THSD7A: variants seen among roughly 807,000 people sequenced by gnomAD.
The protein encoded by THSD7A is thrombospondin type-1 domain-containing protein 7A.
THSD7A carries 96 observed loss-of-function variants against 231.3 expected under a neutral mutation model. The ratio of observed to expected loss-of-function variants is 0.41; its 90% CI spans 0.35 to 0.49. The LOEUF (loss-of-function observed/expected upper bound fraction) is 0.49. THSD7A is among the 20% of genes least tolerant of loss of function. The pLI, the probability that THSD7A is intolerant of heterozygous loss-of-function variation, is 0.05. For missense variants in THSD7A, 2,290 were observed against 2,070.2 expected (o/e 1.11, Z -2.06); for synonymous variants, 940 against 743.3 (o/e 1.26, Z -4.30).
intron 1 of THSD7A, among the ~76,000 whole-genome samples, chr7:11,662,060 A>T (rs1702969611): frequency 6.6e-6 from 1 of 151,290 alleles, no homozygotes; most frequent in African/African-American, 2.4e-5. Flanking sequence ...AGAGAAAAAG[A>T]TACATAGAAG....
chr7:11,611,397 C>T (rs1780915837), intron 2 of THSD7A, among the ~76,000 whole-genome samples: 1 of 151,364 alleles, frequency 6.6e-6, no homozygotes, highest in African/African-American at 2.4e-5. Flanking sequence ...CTTAATAAGG[C>T]TATTCTTCAG....
intron 2 of THSD7A, among the ~76,000 whole-genome samples, chr7:11,617,618 T>C (rs1781151933): frequency 6.6e-6 from 1 of 152,224 alleles, no homozygotes. Context: ...ACTCTAGCAT[T>C]CTACTTACAC....
chr7:11,784,042 TAG>T (rs1274600519), intron 1 of THSD7A, among the ~76,000 whole-genome samples: 2 of 152,118 alleles, frequency 1.3e-5, no homozygotes, highest in East Asian at 3.9e-4. Flanking sequence ...ACTATAATAT[TAG>T]AGTTAGCAAG....
At chr7:11,741,533 T>G (rs967948916) in intron 1 of THSD7A, among the ~76,000 whole-genome samples, 4 of 151,954 alleles carry the variant, frequency 2.6e-5, no homozygotes, top group Non-Finnish European at 5.9e-5. Flanking sequence ...AGTCAAATTC[T>G]CTAATGTTGC....
At chr7:11,409,027 G>A (rs1340813389) in intron 19 of THSD7A, among the ~76,000 whole-genome samples, 4 of 152,106 alleles carry the variant, frequency 2.6e-5, no homozygotes, top group Admixed American at 6.6e-5. Context: ...ACACATTTTA[G>A]TCCTGTACTA....
chr7:11,531,891 T>G (rs1477895942), intron 6 of THSD7A, among the ~76,000 whole-genome samples: 2 of 152,108 alleles, frequency 1.3e-5, no homozygotes, highest in African/African-American at 4.8e-5. Context: ...GGAAGTAGCA[T>G]GTGCCAGATT....
intron 14 of THSD7A, among the ~76,000 whole-genome samples, chr7:11,428,657 T>G (rs1784392395): frequency 1.3e-5 from 2 of 152,188 alleles, no homozygotes; most frequent in Non-Finnish European, 2.9e-5. Flanking sequence ...AGATACAATC[T>G]TATGACAGAT....
chr7:11,659,945 C>T (rs993812880), intron 1 of THSD7A, among the ~76,000 whole-genome samples: 1 of 151,486 alleles, frequency 6.6e-6, no homozygotes. Context: ...TGCAGAATCT[C>T]AGGCCTGACC....
rs753350017 is a variant in THSD7A at position 11,636,519 on chromosome 7, G to T, written c.633C>A (p.Gly211=). ...GACGCGTCCGGTGCTGGAGCCCGCTGCCGCAGGTCTTGGAGCATTCGGACC... is the reference window on the plus strand; with the variant it reads ...GACGCGTCCGGTGCTGGAGCCCGCTTCCGCAGGTCTTGGAGCATTCGGACC... The part of the protein sequence containing the change: ...SAWSECSKTC[G]SGLQHRTRHV... Residue 211 remains glycine, a synonymous_variant, in exon 2 of 28, where the codon GGC becomes GGA. Transcript: ENST00000423059. The surrounding 1 kb of genome is among the most constrained non-coding windows in gnomAD (Gnocchi z 10.0). 17 of 1,613,814 alleles carry T rather than the reference G, an allele frequency of 1.1e-5. No homozygotes were observed. Among genetic ancestry groups the T allele is most frequent in the Non-Finnish European group, 8.5e-7 (1 of 1,179,894 alleles).
intron 24 of THSD7A, among the ~76,000 whole-genome samples, chr7:11,380,720 T>C (rs1240173295): frequency 6.6e-6 from 1 of 152,182 alleles, no homozygotes. Flanking sequence ...GGTAATATAC[T>C]TTACATGCTT....
intron 19 of THSD7A, among the ~76,000 whole-genome samples, chr7:11,409,699 G>T (rs1214781651): frequency 6.6e-6 from 1 of 152,034 alleles, no homozygotes; most frequent in Non-Finnish European, 1.5e-5. Context: ...GTAGATCACA[G>T]CAAGCTCTCC....
intron 22 of THSD7A, among the ~76,000 whole-genome samples, chr7:11,404,419 T>C (rs187642613): frequency 6.6e-6 from 1 of 152,282 alleles, no homozygotes; most frequent in East Asian, 1.9e-4. Context: ...ACAATCCTAT[T>C]ACTGGTGCTG....
chr7:11,669,970 C>CGTGT (rs1341005209), intron 1 of THSD7A, among the ~76,000 whole-genome samples: 1 of 98,222 alleles, frequency 1.0e-5, no homozygotes, highest in African/African-American at 4.2e-5. Context: ...CTGTTGCATT[C>CGTGT]ATGTGTGTGT....
chr7:11,525,277 A>C (rs1370865856), intron 6 of THSD7A, among the ~76,000 whole-genome samples: 1 of 152,190 alleles, frequency 6.6e-6, no homozygotes, highest in Non-Finnish European at 1.5e-5. Context: ...ATTTAAATTC[A>C]CCCTGCCAAG....
At chr7:11,440,537 C>A (rs967837275) in intron 13 of THSD7A, among the ~76,000 whole-genome samples, 25 of 152,050 alleles carry the variant, frequency 1.6e-4, no homozygotes, top group African/African-American at 5.8e-4. Flanking sequence ...GGAAGGAGGT[C>A]ATAATATCTA....
chr7:11,472,700 G>A (rs1198020469), intron 8 of THSD7A, among the ~76,000 whole-genome samples: 7 of 152,106 alleles, frequency 4.6e-5, no homozygotes, highest in African/African-American at 1.4e-4. Context: ...TTCACATATA[G>A]GCGTGTACAT....
chr7:11,391,441 C>T (rs1358955945), intron 23 of THSD7A, among the ~76,000 whole-genome samples: 2 of 151,650 alleles, frequency 1.3e-5, no homozygotes, highest in Admixed American at 6.6e-5. Context: ...TGGCAGACGC[C>T]CCTCCCCAGC....
At chr7:11,555,033 T>A (rs1464053315) in intron 4 of THSD7A, among the ~76,000 whole-genome samples, 3 of 151,936 alleles carry the variant, frequency 2.0e-5, no homozygotes, top group Non-Finnish European at 4.4e-5. Context: ...AATGATCTAT[T>A]GAATGAACCA....
At chr7:11,804,251 G>C (rs1305465922) in intron 1 of THSD7A, among the ~76,000 whole-genome samples, 1 of 151,976 alleles carries the variant, frequency 6.6e-6, no homozygotes, top group Non-Finnish European at 1.5e-5. Context: ...TTCCTTTTAA[G>C]TAAAATCTTT....
Sources: allele counts gnomAD v4.1 joint callset (sites outside exome capture counted in the v4.1 genomes callset), GRCh38; gene constraint gnomAD v4.1.1; non-coding constraint Gnocchi (gnomAD v3.1); transcripts MANE v1.5; gene names NCBI Gene and HGNC (gene_info 2026-07-23, HGNC 2026-07-21).